RFC3: variants seen among roughly 807,000 people sequenced by gnomAD.
RFC3 encodes A1 38 kDa subunit.
RFC3 carries 41 observed loss-of-function variants against 45.1 expected under a neutral mutation model. The ratio of observed to expected loss-of-function variants is 0.91; its 90% CI spans 0.71 to 1.18. The LOEUF is 1.18. Among genes scored for constraint, RFC3 ranks in the 50% most tolerant of loss-of-function variants. The probability of loss-of-function intolerance (pLI) is 0.00; values close to 1 mark genes in which losing one functional copy is unlikely to be tolerated. For synonymous variants in RFC3, 149 were observed against 144.0 expected, an observed-to-expected ratio of 1.03 and a Z score of -0.25; for missense variants, 423 against 428.1, an observed-to-expected ratio of 0.99 and a Z score of 0.10.
rs34685731 is a variant in RFC3 at position 33,938,184 on chromosome 13, CAAAAAAAAAAA to C, written c.880-27889_880-27879del. 1.3e-4 allele frequency among the ~76,000 whole-genome samples: 9 copies of C among 70,768 alleles called. 1 individual carries two copies. Among genetic ancestry groups the C allele is most frequent in the East Asian group, 6.3e-4 (1 of 1,580 alleles). 46.4% of individuals were successfully genotyped at this position (70,768 alleles called of 152,430 possible). A position where few individuals can be genotyped will look rare whatever the true frequency, so the allele number is the denominator to read the frequency against. ...CACAGCTCAAGATAAAGTCCAACTGCAAAAAAAAAAAAAAAAAAAAAAAAGTAAGAGTTGAA... is the reference window on the plus strand; with the variant it reads ...CACAGCTCAAGATAAAGTCCAACTGCAAAAAAAAAAAAAGTAAGAGTTGAA... On this transcript the variant is annotated intron_variant, in intron 8 of 8. Transcript: ENST00000434425.
chr13:33,857,298 AAATAG>A (rs2082314206), intron 8 of RFC3, among the ~76,000 whole-genome samples: 1 of 152,204 alleles, frequency 6.6e-6, no homozygotes, highest in Admixed American at 6.5e-5. Context: ...TTTGGACAGA[AAATAG>A]AATAGGGGAT....
intron 8 of RFC3, among the ~76,000 whole-genome samples, chr13:33,890,866 C>A (rs763219569): frequency 2.6e-5 from 4 of 152,142 alleles, no homozygotes; most frequent in African/African-American, 9.7e-5. Context: ...ATTCCTATTC[C>A]TTTTATACCA....
intron 8 of RFC3, among the ~76,000 whole-genome samples, chr13:33,881,700 C>T (rs2082485775): frequency 6.6e-6 from 1 of 152,144 alleles, no homozygotes; most frequent in African/African-American, 2.4e-5. Context: ...CCCTCTGTCC[C>T]TGTTCTTGTA....
At chr13:33,833,481 A>G (rs1476878161) in intron 7 of RFC3, among the ~76,000 whole-genome samples, 1 of 152,146 alleles carries the variant, frequency 6.6e-6, no homozygotes, top group Non-Finnish European at 1.5e-5. Context: ...AAGAGTTTGT[A>G]CTCTTAATCA....
intron 7 of RFC3, among the ~76,000 whole-genome samples, chr13:33,834,298 G>GTGTGTATATATATATATATA (rs1302839326): frequency 1.1e-3 from 116 of 109,114 alleles, no homozygotes; most frequent in African/African-American, 3.2e-3. Context: ...TGTACTGTGT[G>GTGTGTATATATATATATATA]TATATATATA....
chr13:33,840,631 GA>G (rs2082191018), downstream of RFC3, among the ~76,000 whole-genome samples: 1 of 151,012 alleles, frequency 6.6e-6, no homozygotes, highest in Non-Finnish European at 1.5e-5. Context: ...TGTCTTGGCA[GA>G]CAATTACAGT....
chr13:33,831,226 A>G (rs1357231322), intron 6 of RFC3, 30 bp from the exon 7 acceptor site: 28 of 1,357,992 alleles, frequency 2.1e-5, no homozygotes, highest in Non-Finnish European at 2.7e-5. Flanking sequence ...ACTTCTGTTT[A>G]ACTTCTTGTG....
At chr13:33,895,370 CA>C (rs1329858007) in intron 8 of RFC3, among the ~76,000 whole-genome samples, 2 of 151,834 alleles carry the variant, frequency 1.3e-5, no homozygotes, top group African/African-American at 2.4e-5. Flanking sequence ...TACAAATGGC[CA>C]AAAAACATAT....
intron 8 of RFC3, among the ~76,000 whole-genome samples, chr13:33,958,903 G>A (rs2083039150): frequency 1.3e-5 from 2 of 152,048 alleles, no homozygotes; most frequent in Non-Finnish European, 2.9e-5. Context: ...GGCCATACTG[G>A]CATTCATTAT....
the RFC3 span, among the ~76,000 whole-genome samples, chr13:33,975,605 A>AT: frequency 6.6e-6 from 1 of 152,302 alleles, no homozygotes; most frequent in Admixed American, 6.5e-5. Flanking sequence ...ATCCCACCAT[A>AT]TTACAAATGT....
chr13:33,853,681 A>G (rs1490141169), intron 8 of RFC3, among the ~76,000 whole-genome samples: 1 of 152,174 alleles, frequency 6.6e-6, no homozygotes, highest in Non-Finnish European at 1.5e-5. Flanking sequence ...AGAAAAAGGT[A>G]CCTAAATTCT....
rs1566030639 is a variant in RFC3 at position 33,925,231 on chromosome 13, CATATAGTGT to C, written c.880-40854_880-40846del. Among the ~76,000 whole-genome samples, 32 of 77,512 alleles carry C rather than the reference CATATAGTGT, an allele frequency of 4.1e-4. 1 individual carries two copies. The highest frequency in any genetic ancestry group is 2.1e-3 in the African/African-American group (32 of 15,328). The allele number at this position is 77,512 out of a possible 152,430, so 50.9% of individuals were successfully genotyped here. ...ACATATAGTGTACTATATACATACA[CATATAGTGT>C]ACTATATACATACACATATAGTGTA... On this transcript the variant is annotated intron_variant, in intron 8 of 8. Coordinates refer to the RFC3 transcript ENST00000434425.
At chr13:33,879,196 CATCTG>C (rs1311205944) in intron 8 of RFC3, among the ~76,000 whole-genome samples, 4 of 152,124 alleles carry the variant, frequency 2.6e-5, no homozygotes, top group African/African-American at 9.7e-5. Flanking sequence ...ATTAAAAACT[CATCTG>C]ATAACATAAA....
chr13:33,870,236 C>T (rs762495888), intron 8 of RFC3, among the ~76,000 whole-genome samples: 5 of 152,234 alleles, frequency 3.3e-5, no homozygotes, highest in Non-Finnish European at 7.3e-5. Context: ...GTCTTCAGCT[C>T]ACTTCCAGTG....
chr13:33,821,968 G>GT (rs2082007682), intron 2 of RFC3, among the ~76,000 whole-genome samples: 1 of 152,172 alleles, frequency 6.6e-6, no homozygotes, highest in South Asian at 2.1e-4. Context: ...TTGACTGTAT[G>GT]TCGAGAACAT....
intron 8 of RFC3, among the ~76,000 whole-genome samples, chr13:33,964,474 AGGT>A (rs2083075835): frequency 6.6e-6 from 1 of 152,154 alleles, no homozygotes; most frequent in Non-Finnish European, 1.5e-5. Flanking sequence ...GAGTTTCACA[AGGT>A]TGATTTTGAA....
At chr13:33,907,401 C>T (rs897684576) in intron 8 of RFC3, among the ~76,000 whole-genome samples, 2 of 151,972 alleles carry the variant, frequency 1.3e-5, no homozygotes, top group Admixed American at 6.6e-5. Flanking sequence ...CCCATTATTA[C>T]ATATCAAAAA....
chr13:33,951,072 G>A (rs1593714477), intron 8 of RFC3, among the ~76,000 whole-genome samples: 1 of 90,680 alleles, frequency 1.1e-5, no homozygotes, highest in Non-Finnish European at 2.0e-5. Flanking sequence ...TTGGAAATCT[G>A]TCATACTGTT....
intron 4 of RFC3, among the ~76,000 whole-genome samples, chr13:33,826,819 C>T (rs777841660): frequency 6.6e-6 from 1 of 151,790 alleles, no homozygotes; most frequent in Non-Finnish European, 1.5e-5. Context: ...GCTCTAAATA[C>T]TTTTTCTTCT....
Sources: gnomAD v4.1 joint callset for allele counts (sites outside exome capture counted in the v4.1 genomes callset) on GRCh38, gnomAD v4.1.1 for gene constraint, MANE v1.5 for transcripts, NCBI Gene and HGNC (gene_info 2026-07-23, HGNC 2026-07-21) for gene names.